GMDS: variants seen among roughly 807,000 people sequenced by gnomAD.
GMDS encodes GDP-mannose 4,6 dehydratase.
In GMDS, 20 loss-of-function variants were observed where a neutral mutation model predicts 49.9. The ratio of observed to expected loss-of-function variants is 0.40; its 90% CI spans 0.28 to 0.58. GMDS has a LOEUF of 0.58. Among genes scored for constraint, GMDS ranks in the 20% least tolerant of loss-of-function variants. The pLI is 0.42. For missense variants in GMDS, 362 were observed against 481.4 expected (o/e 0.75, Z 2.32); for synonymous variants, 177 against 178.6 (o/e 0.99, Z 0.07).
intron 8 of GMDS, among the ~76,000 whole-genome samples, chr6:1,741,811 CAAAAAAAAAAAAAAAA>C (rs758949708): frequency 4.3e-5 from 1 of 23,054 alleles, no homozygotes; most frequent in Non-Finnish European, 9.6e-5. Flanking sequence ...GACTCTGTCT[CAAAAAAAAAAAAAAAA>C]AAAAAAAAAA....
At chr6:1,996,185 T>C (rs1439795363) in intron 4 of GMDS, among the ~76,000 whole-genome samples, 6 of 151,736 alleles carry the variant, frequency 4.0e-5, no homozygotes, top group Non-Finnish European at 8.8e-5. Flanking sequence ...CATTCTTCTA[T>C]AACTATGGTA....
At chr6:2,156,315 C>T (rs1184761171) in intron 1 of GMDS, among the ~76,000 whole-genome samples, 1 of 152,040 alleles carries the variant, frequency 6.6e-6, no homozygotes. Flanking sequence ...TATGGTAATG[C>T]AATTATCTCT....
chr6:1,671,602 A>G (rs1046798433), intron 9 of GMDS, among the ~76,000 whole-genome samples: 13 of 152,066 alleles, frequency 8.5e-5, no homozygotes, highest in African/African-American at 3.1e-4. Flanking sequence ...GTCCATCCCT[A>G]AGTATGTATA....
chr6:1,629,026 G>GC (rs1230396686), intron 9 of GMDS, among the ~76,000 whole-genome samples: 1 of 152,188 alleles, frequency 6.6e-6, no homozygotes, highest in African/African-American at 2.4e-5. Context: ...AGGCAGAGCT[G>GC]CTAAACAACA....
At chr6:1,953,519 T>C (rs763524764) in intron 6 of GMDS, among the ~76,000 whole-genome samples, 1 of 152,220 alleles carries the variant, frequency 6.6e-6, no homozygotes, top group Non-Finnish European at 1.5e-5. Flanking sequence ...ATATTAGTGT[T>C]ATTTATAGTT....
intron 1 of GMDS, among the ~76,000 whole-genome samples, chr6:2,232,582 G>A (rs1781159543): frequency 6.6e-6 from 1 of 152,146 alleles, no homozygotes; most frequent in Admixed American, 6.5e-5. Context: ...TCTTCGTTCA[G>A]GTAGGAAGCC....
At chr6:1,633,254 A>G (rs1417456572) in intron 9 of GMDS, among the ~76,000 whole-genome samples, 1 of 152,220 alleles carries the variant, frequency 6.6e-6, no homozygotes, top group Non-Finnish European at 1.5e-5. Flanking sequence ...CCTGCACCCC[A>G]ACCCTTCCTC....
At chr6:2,120,419 A>G (rs1775077362) in intron 2 of GMDS, among the ~76,000 whole-genome samples, 1 of 151,390 alleles carries the variant, frequency 6.6e-6, no homozygotes, top group Admixed American at 6.6e-5. Flanking sequence ...CTCACAGATT[A>G]AGAAAGAAAG....
chr6:1,664,090 G>C (rs1410002831), intron 9 of GMDS, among the ~76,000 whole-genome samples: 1 of 152,126 alleles, frequency 6.6e-6, no homozygotes, highest in African/African-American at 2.4e-5. Context: ...CAATAATTAG[G>C]CTAAAAGTTG....
chr6:1,686,215 C>T (rs1243938547), intron 9 of GMDS, among the ~76,000 whole-genome samples: 2 of 152,190 alleles, frequency 1.3e-5, no homozygotes, highest in Non-Finnish European at 2.9e-5. Context: ...CCCGAGATGA[C>T]GCGGCCTCTT....
chr6:1,963,695 T>C (rs2761243), intron 4 of GMDS, among the ~76,000 whole-genome samples: 92,592 of 151,912 alleles, frequency 0.61, 28,315 homozygotes, highest in Admixed American at 0.65. Flanking sequence ...GGAAAAGCCA[T>C]GGCCTTATTT....
At chr6:2,135,595 ACATCAT>A (rs61342699) in intron 1 of GMDS, among the ~76,000 whole-genome samples, 7 of 149,516 alleles carry the variant, frequency 4.7e-5, no homozygotes, top group South Asian at 4.2e-4. Flanking sequence ...CACATCTACC[ACATCAT>A]CATCATCATC....
At chr6:2,226,451 AT>A (rs1267505573) in intron 1 of GMDS, among the ~76,000 whole-genome samples, 7 of 152,214 alleles carry the variant, frequency 4.6e-5, no homozygotes, top group Non-Finnish European at 8.8e-5. Context: ...GCTACAATTA[AT>A]TTTTTTAATC....
At chr6:2,239,574 C>G (rs1289560445) in intron 1 of GMDS, among the ~76,000 whole-genome samples, 1 of 152,130 alleles carries the variant, frequency 6.6e-6, no homozygotes, top group Non-Finnish European at 1.5e-5. Context: ...TAATTGGTAT[C>G]AAAACCCAAC....
chr6:2,067,524 T>C (rs1427874581), intron 4 of GMDS, among the ~76,000 whole-genome samples: 1 of 151,540 alleles, frequency 6.6e-6, no homozygotes, highest in Non-Finnish European at 1.5e-5. Flanking sequence ...CTAGCAAGAC[T>C]AATAAAGAAA....
intron 9 of GMDS, among the ~76,000 whole-genome samples, chr6:1,699,328 G>A (rs1765458148): frequency 6.6e-6 from 1 of 151,982 alleles, no homozygotes; most frequent in Non-Finnish European, 1.5e-5. Flanking sequence ...GGAGGAGGAG[G>A]GATGTACAGG....
chr6:2,209,819 A>C lies in GMDS; in HGVS notation c.102+35502T>G, dbSNP rs959404116. Among the ~76,000 whole-genome samples, 6 of 152,294 alleles carry C rather than the reference A, an allele frequency of 3.9e-5. 1 individual carries two copies. In the South Asian group the frequency reaches 1.2e-3, roughly 32 times the overall value. On this transcript the variant is annotated intron_variant, in intron 1 of 10. Transcript: ENST00000380815. ...TACCACAATGTTTAATGCTAGGCTT[A>C]AGACAGATTCTTAAGCTGTTTCAGA...
At chr6:1,682,402 ATT>A (rs1764820198) in intron 9 of GMDS, among the ~76,000 whole-genome samples, 1 of 152,076 alleles carries the variant, frequency 6.6e-6, no homozygotes, top group Non-Finnish European at 1.5e-5. Context: ...CACTGCTGGC[ATT>A]TCTGGTCAGC....
chr6:1,953,967 G>T (rs1468671433), intron 6 of GMDS, among the ~76,000 whole-genome samples: 1 of 152,054 alleles, frequency 6.6e-6, no homozygotes, highest in Non-Finnish European at 1.5e-5. Context: ...TTTCCTCATA[G>T]ATATTAAACA....
Sources: gnomAD v4.1 joint callset for allele counts (sites outside exome capture counted in the v4.1 genomes callset) on GRCh38, gnomAD v4.1.1 for gene constraint, MANE v1.5 for transcripts, NCBI Gene and HGNC (gene_info 2026-07-23, HGNC 2026-07-21) for gene names.